Variants in VMA22 observed in about 807,000 individuals in gnomAD.
The protein encoded by VMA22 is vacuolar ATPase assembly factor VMA22.
At chr2:130,341,973 AG>A in the VMA22 span, 1 of 1,612,428 alleles carries the variant, frequency 6.2e-7, no homozygotes, top group Non-Finnish European at 8.5e-7. Context: ...GGTGAGACTC[AG>A]TTTACGCCCG....
the VMA22 span, chr2:130,341,816 C>T: frequency 1.3e-6 from 2 of 1,517,424 alleles, no homozygotes; most frequent in Non-Finnish European, 8.9e-7. Context: ...CCCGCCCACC[C>T]AGCCCAGCAT....
At chr2:130,341,751 T>C in the VMA22 span, 1 of 1,611,106 alleles carries the variant, frequency 6.2e-7, no homozygotes, top group South Asian at 1.1e-5. Context: ...TGGGCCTCGC[T>C]GAAGGACGAG....
the VMA22 span, chr2:130,340,444 C>A: frequency 4.2e-6 from 1 of 235,414 alleles, no homozygotes; most frequent in Non-Finnish European, 8.5e-6. Context: ...CGGCACATAC[C>A]AGATATATCT....
chr2:130,342,235 G>A, the VMA22 span: 1 of 1,549,144 alleles, frequency 6.5e-7, no homozygotes. Flanking sequence ...CCCATCTGGG[G>A]ATCCCCACGC....
At chr2:130,342,243 C>A in the VMA22 span, 12 of 1,545,026 alleles carry the variant, frequency 7.8e-6, no homozygotes, top group East Asian at 2.9e-4. Context: ...GGGATCCCCA[C>A]GCCGGCAGCA....
the VMA22 span, chr2:130,342,244 G>C: frequency 6.5e-7 from 1 of 1,543,932 alleles, no homozygotes; most frequent in Admixed American, 2.0e-5. Context: ...GGATCCCCAC[G>C]CCGGCAGCAC....
At chr2:130,342,175 G>A in the VMA22 span, 1 of 1,601,444 alleles carries the variant, frequency 6.2e-7, no homozygotes, top group Non-Finnish European at 8.5e-7. Flanking sequence ...ACCCTCCGCA[G>A]TTTGGCAGGA....
the VMA22 span, chr2:130,342,370 CGGCTAGGGTTATA>C: frequency 1.5e-6 from 1 of 677,646 alleles, no homozygotes; most frequent in Non-Finnish European, 2.5e-6. Flanking sequence ...GCTGAACTGT[CGGCTAGGGTTATA>C]GGTGGTTCTG....
chr2:130,341,275 C>T, the VMA22 span: 4 of 572,516 alleles, frequency 7.0e-6, no homozygotes, highest in South Asian at 4.3e-5. Context: ...ACTGATGACC[C>T]TGTTTGCCTG....
chr2:130,342,070 C>T, the VMA22 span: 2 of 1,613,918 alleles, frequency 1.2e-6, no homozygotes, highest in Non-Finnish European at 8.5e-7. Flanking sequence ...CTCCAGGTCC[C>T]CAAGCAGCTG....
chr2:130,341,772 G>A, the VMA22 span: 8 of 1,608,280 alleles, frequency 5.0e-6, no homozygotes, highest in Non-Finnish European at 5.1e-6. Flanking sequence ...AAGGGAGGAT[G>A]GAGCTTTGGC....
the VMA22 span, chr2:130,339,885 T>C: frequency 2.5e-6 from 3 of 1,190,576 alleles, no homozygotes; most frequent in African/African-American, 4.8e-5. Context: ...AACCAGTGTT[T>C]GTGTCAAAAA....
the VMA22 span, chr2:130,338,733 A>G: frequency 5.5e-6 from 1 of 180,182 alleles, no homozygotes; most frequent in African/African-American, 2.4e-5. Flanking sequence ...TCCAGCAAAG[A>G]CAATTTGGAG....
chr2:130,338,565 C>T, the VMA22 span: 1 of 152,270 alleles, frequency 6.6e-6, no homozygotes, highest in African/African-American at 2.4e-5. Context: ...ATTTTAAAAA[C>T]CTAGGCCTCT....
At chr2:130,337,973 G>A in the VMA22 span, among the ~76,000 whole-genome samples, 5 of 152,176 alleles carry the variant, frequency 3.3e-5, no homozygotes, top group East Asian at 1.9e-4. Flanking sequence ...TAATGTCCAC[G>A]AAACAGAATG....
chr2:130,339,861 C>T, the VMA22 span: 1 of 1,227,598 alleles, frequency 8.1e-7, no homozygotes, highest in Non-Finnish European at 1.1e-6. Flanking sequence ...TGATCTCATC[C>T]TATCTCAGCT....
chr2:130,340,581 T>C, the VMA22 span: 2 of 364,936 alleles, frequency 5.5e-6, no homozygotes, highest in East Asian at 1.5e-4. Context: ...CACTCCATTA[T>C]GTGTTTTTCA....
At chr2:130,342,264 T>C in the VMA22 span, 16 of 1,514,494 alleles carry the variant, frequency 1.1e-5, no homozygotes, top group Middle Eastern at 1.7e-4. Context: ...CCAAGGCCTC[T>C]GGGTCAGCTT....
chr2:130,339,495 G>A, the VMA22 span: 41 of 1,354,970 alleles, frequency 3.0e-5, no homozygotes, highest in Non-Finnish European at 5.8e-6. Flanking sequence ...TTCACAGATA[G>A]TAATACCATT....
Sources: allele counts gnomAD v4.1 joint callset (sites outside exome capture counted in the v4.1 genomes callset), GRCh38; gene constraint gnomAD v4.1.1; transcripts MANE v1.5; gene names NCBI Gene and HGNC (gene_info 2026-07-23, HGNC 2026-07-21).